The following DNAJC10 variants were observed in gnomAD, a reference collection of about 807,000 sequenced individuals.
DNAJC10 encodes DnaJ heat shock protein family (Hsp40) member C10.
DNAJC10 carries 101 observed loss-of-function variants against 115.0 expected under a neutral mutation model. The observed-to-expected ratio is 0.88, with a 90% CI of 0.75 to 1.04. The LOEUF (loss-of-function observed/expected upper bound fraction) is 1.04, where lower values mean the gene tolerates loss of function less well. Ranked by LOEUF, DNAJC10 falls within the 50% of genes least tolerant of loss-of-function variation. The pLI, the probability that DNAJC10 is intolerant of heterozygous loss-of-function variation, is 0.00. For missense variants in DNAJC10, 981 were observed against 928.8 expected (o/e 1.06, Z -0.73); for synonymous variants, 307 against 301.5 (o/e 1.02, Z -0.19).
At chr2:182,740,410 A>T (rs1262868790) in intron 12 of DNAJC10, 22 bp downstream of exon 12, 1 of 1,543,786 alleles carries the variant, frequency 6.5e-7, no homozygotes, top group Non-Finnish European at 8.7e-7. Context: ...ATTAATAATG[A>T]TAAGTAGCAA....
In DNAJC10 at chr2:182,789,411, A is replaced by C. The variant is rs1450835446; in HGVS notation, c.*12279A>C. The C allele has an allele frequency of 6.6e-6, 1 of 152,396 alleles. No individual in the cohort carries two copies. Among genetic ancestry groups the C allele is most frequent in the Non-Finnish European group, 1.5e-5 (1 of 68,256 alleles). 9.4% of individuals were successfully genotyped at this position (152,396 alleles called of 1,614,324 possible). A position where few individuals can be genotyped will look rare whatever the true frequency, so the allele number is the denominator to read the frequency against. On this transcript the variant is annotated 3_prime_UTR_variant, in exon 24 of 24. Coordinates refer to ENST00000264065, the MANE Select transcript of DNAJC10 (RefSeq NM_018981.4). Reference sequence around the variant, plus strand: ...AATTTTTGTATGTTTAACGGAGACAAGGTTTTAGTGTGTTGGCCAGGCTGG... The same window carrying C: ...AATTTTTGTATGTTTAACGGAGACACGGTTTTAGTGTGTTGGCCAGGCTGG...
At chr2:182,770,721 G>A (rs1694538806) in intron 22 of DNAJC10, among the ~76,000 whole-genome samples, 1 of 152,120 alleles carries the variant, frequency 6.6e-6, no homozygotes, top group African/African-American at 2.4e-5. Flanking sequence ...AGATGATGGG[G>A]TTTTCTAAAT....
intron 16 of DNAJC10, among the ~76,000 whole-genome samples, chr2:182,754,315 A>G (rs778839393): frequency 3.9e-5 from 6 of 152,330 alleles, no homozygotes; most frequent in Non-Finnish European, 8.8e-5. Context: ...GCTAATGAGT[A>G]CTTAAAACTT....
chr2:182,739,477 A>G, intron 11 of DNAJC10: 1 of 1,105,682 alleles, frequency 9.0e-7, no homozygotes, highest in Non-Finnish European at 1.2e-6. Flanking sequence ...CATATATTAA[A>G]CTCTGTTTTG....
chr2:182,741,899 G>A (rs902810452), intron 13 of DNAJC10, among the ~76,000 whole-genome samples: 13 of 151,720 alleles, frequency 8.6e-5, no homozygotes, highest in African/African-American at 2.9e-4. Context: ...TTATATGTCT[G>A]TGTTTTAATC....
Position 182,743,629 on chromosome 2 carries a change from A to G in DNAJC10, c.1223A>G (p.Asp408Gly). 1.2e-6 allele frequency: 2 copies of G among 1,613,684 alleles called. No homozygotes were observed. Among genetic ancestry groups the G allele is most frequent in the Non-Finnish European group, 8.5e-7 (1 of 1,179,794 alleles). ...VGRFDCSSAP[D>G]ICSNLYVFQP... ...AGGTTTGACTGTTCCTCTGCACCAG[A>G]CATCTGTAGTAATCTGTATGTTTTT... Residue 408 changes from aspartate (D) to glycine (G), a missense_variant, in exon 14 of 24, where the codon GAC (aspartate) becomes GGC (glycine). Transcript: ENST00000264065.
intron 23 of DNAJC10, among the ~76,000 whole-genome samples, chr2:182,776,070 C>G (rs1360089947): frequency 6.6e-6 from 1 of 151,384 alleles, no homozygotes; most frequent in Non-Finnish European, 1.5e-5. Context: ...TCTGAATATA[C>G]CAAAAACCAC....
rs1282514670 is a variant in DNAJC10, at chr2:182,786,118, AAC to A, written c.*8988_*8989del. The A allele has an allele frequency of 1.3e-5, 2 of 152,212 alleles. No homozygotes were observed. Among genetic ancestry groups the A allele is most frequent in the Non-Finnish European group, 2.9e-5 (2 of 68,038 alleles). The allele number at this position is 152,212 out of a possible 1,614,324, so 9.4% of individuals were successfully genotyped here. A position where few individuals can be genotyped will look rare whatever the true frequency, so the allele number is the denominator to read the frequency against. On this transcript the variant is annotated 3_prime_UTR_variant, in exon 24 of 24. Transcript: ENST00000264065. Reference sequence around the variant, plus strand: ...AAATGTTCCATGATACAGTTTTAATAACAGTTTTAATTTCAGAAACGCAAAAT... The same window carrying A: ...AAATGTTCCATGATACAGTTTTAATAAGTTTTAATTTCAGAAACGCAAAAT...
At chr2:182,753,100 A>G (rs1301955493) in intron 16 of DNAJC10, among the ~76,000 whole-genome samples, 2 of 152,182 alleles carry the variant, frequency 1.3e-5, no homozygotes, top group East Asian at 3.8e-4. Context: ...TATTTTAAAT[A>G]TACTGAAATA....
chr2:182,718,487 A>G (rs902372755), intron 3 of DNAJC10, among the ~76,000 whole-genome samples, 197 bp downstream of exon 3: 1 of 152,218 alleles, frequency 6.6e-6, no homozygotes, highest in Non-Finnish European at 1.5e-5. Context: ...AGTACCAAAA[A>G]TTCAGTTCCC....
intron 22 of DNAJC10, among the ~76,000 whole-genome samples, chr2:182,765,234 A>C (rs1694379980): frequency 6.6e-6 from 1 of 152,154 alleles, no homozygotes; most frequent in Non-Finnish European, 1.5e-5. Context: ...TTATGGGGAA[A>C]AAAAGGGGGA....
chr2:182,746,604 G>C (rs1005626473), intron 14 of DNAJC10, among the ~76,000 whole-genome samples: 12 of 152,100 alleles, frequency 7.9e-5, no homozygotes, highest in Non-Finnish European at 1.5e-5. Context: ...AAATTTGTGT[G>C]AGTTCATTGT....
At chr2:182,741,414 G>T in intron 13 of DNAJC10, 58 bp downstream of exon 13, 1 of 769,794 alleles carries the variant, frequency 1.3e-6, no homozygotes, top group Non-Finnish European at 2.0e-6. Context: ...TTAATTTAAT[G>T]CATATAATTA....
At chr2:182,757,468 T>TAAA (rs1694186097) in intron 18 of DNAJC10, among the ~76,000 whole-genome samples, 1 of 152,148 alleles carries the variant, frequency 6.6e-6, no homozygotes, top group Non-Finnish European at 1.5e-5. Flanking sequence ...ATGAAATAAA[T>TAAA]TGTTTAATCT....
At chr2:182,729,229 A>C (rs144197223) in intron 7 of DNAJC10, 2 of 358,348 alleles carry the variant, frequency 5.6e-6, no homozygotes, top group Non-Finnish European at 1.0e-5. Flanking sequence ...GCTCACTGCA[A>C]CCTCTGCCTC....
Position 182,755,085 on chromosome 2 carries a change from A to G in DNAJC10, c.1634A>G (p.Gln545Arg). The change falls in exon 17 of 24, where the codon CAA becomes CGA. Residue 545 changes from glutamine (Q) to arginine (R), a missense_variant. Coordinates refer to ENST00000264065, the MANE Select transcript of DNAJC10 (RefSeq NM_018981.4). Reference sequence around the variant, plus strand: ...TATGAAGGACATCACTCTGCTGAACAAATCTTGGAGTTCATAGAGGTATTT... The same window carrying G: ...TATGAAGGACATCACTCTGCTGAACGAATCTTGGAGTTCATAGAGGTATTT... ...HEYEGHHSAE[Q>R]ILEFIEDLMN... 1 of 1,602,650 alleles carries G rather than the reference A, an allele frequency of 6.2e-7. No individual in the cohort carries two copies. The highest frequency in any genetic ancestry group is 8.5e-7 in the Non-Finnish European group (1 of 1,169,784).
At chr2:182,759,436 T>C (rs1419077713) in intron 21 of DNAJC10, 129 bp downstream of exon 21, 18 of 855,960 alleles carry the variant, frequency 2.1e-5, no homozygotes, top group Non-Finnish European at 3.2e-5. Flanking sequence ...ATAGCTATTA[T>C]ATTTCTATGA....
chr2:182,720,991 G>GT (rs1380993185), intron 4 of DNAJC10, among the ~76,000 whole-genome samples: 13 of 151,770 alleles, frequency 8.6e-5, no homozygotes, highest in African/African-American at 1.7e-4. Context: ...GACGAAAGGT[G>GT]TTTTTTTTCT....
intron 14 of DNAJC10, among the ~76,000 whole-genome samples, chr2:182,750,222 C>G (rs560800158): frequency 6.6e-6 from 1 of 152,158 alleles, no homozygotes; most frequent in East Asian, 1.9e-4. Context: ...TTGTACCGTT[C>G]AATGTAAGTG....
Sources: gnomAD v4.1 joint callset for allele counts (sites outside exome capture counted in the v4.1 genomes callset) on GRCh38, gnomAD v4.1.1 for gene constraint, MANE v1.5 for transcripts, NCBI Gene and HGNC (gene_info 2026-07-23, HGNC 2026-07-21) for gene names.